FOXP2: variants seen among roughly 807,000 people sequenced by gnomAD.
FOXP2 encodes forkhead box protein P2.
FOXP2 carries 12 observed loss-of-function variants against 115.8 expected under a neutral mutation model. The ratio of observed to expected loss-of-function variants is 0.10; its 90% CI spans 0.07 to 0.17. The LOEUF is 0.17. Among genes scored for constraint, FOXP2 ranks in the 10% least tolerant of loss-of-function variants. The probability of loss-of-function intolerance (pLI) is 1.00; values close to 1 mark genes in which losing one functional copy is unlikely to be tolerated. For missense variants in FOXP2, 629 were observed against 843.5 expected, an observed-to-expected ratio of 0.75 and a Z score of 3.15; for synonymous variants, 328 against 297.7, an observed-to-expected ratio of 1.10 and a Z score of -1.05.
chr7:114,353,270 T>C (rs940476066), intron 2 of FOXP2, among the ~76,000 whole-genome samples: 14 of 151,716 alleles, frequency 9.2e-5, no homozygotes, highest in Non-Finnish European at 1.9e-4. Flanking sequence ...TCCCTTTTTT[T>C]CCACAAACTT....
chr7:114,462,568 G>C (rs1326135467), intron 2 of FOXP2, among the ~76,000 whole-genome samples: 1 of 151,670 alleles, frequency 6.6e-6, no homozygotes, highest in African/African-American at 2.4e-5. Flanking sequence ...GACGGGGTTT[G>C]GCCATGTTGG....
At chr7:114,266,459 T>C (rs1402371487) in intron 1 of FOXP2, among the ~76,000 whole-genome samples, 2 of 152,152 alleles carry the variant, frequency 1.3e-5, no homozygotes, top group Non-Finnish European at 2.9e-5. Context: ...CTTTTACTCA[T>C]GGTGGAAAGT....
chr7:114,654,146 G>T (rs144282330), intron 10 of FOXP2, 137 bp downstream of exon 10: 237 of 1,546,982 alleles, frequency 1.5e-4, no homozygotes, highest in Non-Finnish European at 1.9e-4. Flanking sequence ...AAATGTAATC[G>T]CTTGTCAAAT....
chr7:114,227,546 GTCTTTC>G, intron 1 of FOXP2, among the ~76,000 whole-genome samples: 1 of 18,612 alleles, frequency 5.4e-5, no homozygotes, highest in Non-Finnish European at 1.4e-4. Flanking sequence ...TTGAATACCT[GTCTTTC>G]TAGAATACCT....
chr7:114,305,832 C>A (rs1433782783), intron 2 of FOXP2, among the ~76,000 whole-genome samples: 1 of 152,096 alleles, frequency 6.6e-6, no homozygotes, highest in Non-Finnish European at 1.5e-5. Flanking sequence ...AATATAGGTA[C>A]TGCTATTCCC....
At chr7:114,488,611 G>C (rs2129242111) in intron 2 of FOXP2, among the ~76,000 whole-genome samples, 1 of 152,050 alleles carries the variant, frequency 6.6e-6, no homozygotes, top group African/African-American at 2.4e-5. Context: ...ATATATGTCA[G>C]TGAAAAAATG....
chr7:114,437,269 T>A (rs1046227665), intron 2 of FOXP2, among the ~76,000 whole-genome samples: 2 of 152,204 alleles, frequency 1.3e-5, no homozygotes, highest in East Asian at 3.8e-4. Flanking sequence ...AAATCTTGTG[T>A]TCTTATGAAA....
intron 8 of FOXP2, among the ~76,000 whole-genome samples, chr7:114,650,545 A>T (rs537667844): frequency 4.5e-4 from 68 of 152,032 alleles, no homozygotes; most frequent in African/African-American, 1.6e-3. Flanking sequence ...GGGGGAAAAA[A>T]CCCTGGGAAA....
At chr7:114,290,685 C>T (rs1188662586) in intron 2 of FOXP2, among the ~76,000 whole-genome samples, 1 of 151,970 alleles carries the variant, frequency 6.6e-6, no homozygotes, top group Non-Finnish European at 1.5e-5. Context: ...AGCAAGACTG[C>T]AAATAGAGGG....
intron 2 of FOXP2, among the ~76,000 whole-genome samples, chr7:114,445,845 T>G (rs1488414054): frequency 6.6e-6 from 1 of 152,000 alleles, no homozygotes; most frequent in African/African-American, 2.4e-5. Flanking sequence ...CACATCTGAT[T>G]TAATTAAGTG....
chr7:114,320,823 T>C (rs1281217999), intron 2 of FOXP2, among the ~76,000 whole-genome samples: 1 of 152,074 alleles, frequency 6.6e-6, no homozygotes, highest in East Asian at 1.9e-4. Flanking sequence ...CATTTTTAGC[T>C]CCTGGCAAAC....
chr7:114,599,833 T>C (rs564023591), intron 3 of FOXP2, among the ~76,000 whole-genome samples: 2 of 152,208 alleles, frequency 1.3e-5, no homozygotes, highest in Admixed American at 1.3e-4. Context: ...CTTTAAAAGA[T>C]ATGGCTAAAC....
chr7:114,526,188 A>AAAC (rs1396480011), intron 2 of FOXP2, among the ~76,000 whole-genome samples: 1 of 148,760 alleles, frequency 6.7e-6, no homozygotes, highest in Non-Finnish European at 1.5e-5. Flanking sequence ...AAAAAAAAAA[A>AAAC]AAAAAAAGGG....
At chr7:114,383,165 T>G (rs1465466582) in intron 2 of FOXP2, among the ~76,000 whole-genome samples, 1 of 152,210 alleles carries the variant, frequency 6.6e-6, no homozygotes, top group Non-Finnish European at 1.5e-5. Flanking sequence ...ATATTATATC[T>G]CTCCATGTCA....
chr7:114,498,166 GT>G (rs1319028005), intron 2 of FOXP2, among the ~76,000 whole-genome samples: 1 of 152,062 alleles, frequency 6.6e-6, no homozygotes. Flanking sequence ...ACTTAGCTTT[GT>G]TTTTAATAAT....
intron 1 of FOXP2, among the ~76,000 whole-genome samples, chr7:114,166,131 A>G (rs1273500965): frequency 6.6e-6 from 1 of 152,186 alleles, no homozygotes; most frequent in Non-Finnish European, 1.5e-5. Flanking sequence ...AAAGCTAAAT[A>G]TAAAACAAAA....
chr7:114,247,115 T>G (rs147960680), intron 1 of FOXP2, among the ~76,000 whole-genome samples: 1,751 of 152,338 alleles, frequency 0.011, 30 homozygotes, highest in African/African-American at 0.039. Context: ...TGATAAATTC[T>G]CCTCCAACTG....
intron 3 of FOXP2, among the ~76,000 whole-genome samples, chr7:114,589,845 A>G (rs1057440026): frequency 6.6e-6 from 1 of 152,002 alleles, no homozygotes; most frequent in Non-Finnish European, 1.5e-5. Flanking sequence ...TTGTTTGTCA[A>G]CTTAGGCCCT....
At chr7:114,096,418 T>A (rs1410970484) in intron 1 of FOXP2, among the ~76,000 whole-genome samples, 1 of 152,224 alleles carries the variant, frequency 6.6e-6, no homozygotes, top group African/African-American at 2.4e-5. Flanking sequence ...GCCTTTAAGT[T>A]GCCCTTTTAT....
Sources: gnomAD v4.1 joint callset for allele counts (sites outside exome capture counted in the v4.1 genomes callset) on GRCh38, gnomAD v4.1.1 for gene constraint, MANE v1.5 for transcripts, NCBI Gene and HGNC (gene_info 2026-07-23, HGNC 2026-07-21) for gene names.